Variants in CPLANE1 observed in about 807,000 individuals in gnomAD.
CPLANE1 encodes the protein ciliogenesis and planar polarity effector complex subunit 1, also known as ciliogenesis and planar polarity effector 1.
A neutral mutation model predicts 362.5 loss-of-function variants in CPLANE1; 263 were observed. The observed-to-expected ratio is 0.73, with a 90% CI of 0.66 to 0.80. CPLANE1 has a LOEUF of 0.80. CPLANE1 is among the 30% of genes least tolerant of loss of function. The pLI, the probability that CPLANE1 is intolerant of heterozygous loss-of-function variation, is 0.00. For synonymous variants in CPLANE1, 1,212 were observed against 1,302.6 expected (o/e 0.93, Z 1.50); for missense variants, 3,461 against 3,793.4 (o/e 0.91, Z 2.30).
At position 37,226,607 on chromosome 5, in the gene CPLANE1, A is replaced by T; in HGVS notation, c.1988T>A (p.Leu663Gln). ...YKQDVGHLIK[L>Q]TSNTVKLLLT... ...CAAAAGTTTTACAGTATTTGAGGTC[A>T]GCTTTATCAAATGCCCCACATCTTG... The change falls in exon 12 of 53, where the codon CTG becomes CAG. Residue 663 changes from leucine to glutamine, a missense_variant. Physicochemically the swap from Leu to Gln is moderately radical, Grantham distance 113. This residue lies in a region of CPLANE1 where 3,380 missense variants were observed against 3,666.1 expected (regional missense o/e 0.92). Coordinates refer to ENST00000651892, the MANE Select transcript of CPLANE1 (RefSeq NM_001384732.1). 1 of 1,551,488 alleles carries T rather than the reference A, an allele frequency of 6.4e-7. No individual in the cohort carries two copies. Among genetic ancestry groups the T allele is most frequent in the Non-Finnish European group, 8.7e-7 (1 of 1,146,884 alleles).
At chr5:37,189,961 TG>T (rs1785042621) in intron 21 of CPLANE1, among the ~76,000 whole-genome samples, 1 of 151,276 alleles carries the variant, frequency 6.6e-6, no homozygotes, top group South Asian at 2.1e-4. Context: ...ATCACGCCAC[TG>T]CACTCCAGCC....
chr5:37,174,024 T>C (rs1428254202), intron 31 of CPLANE1, 77 bp from the exon 32 acceptor site: 17 of 1,221,236 alleles, frequency 1.4e-5, no homozygotes, highest in Non-Finnish European at 1.8e-5. Flanking sequence ...GATCAGAATA[T>C]TTTGATCCCA....
intron 15 of CPLANE1, among the ~76,000 whole-genome samples, chr5:37,219,650 A>G (rs1195602767): frequency 6.6e-6 from 1 of 152,206 alleles, no homozygotes; most frequent in African/African-American, 2.4e-5. Context: ...AATGCTCACA[A>G]ATATTTAGGT....
At chr5:37,139,261 TCA>T (rs1768875311) in intron 45 of CPLANE1, 77 bp downstream of exon 45, 2 of 1,316,576 alleles carry the variant, frequency 1.5e-6, no homozygotes, top group South Asian at 1.4e-5. Flanking sequence ...ATGTAAAAAT[TCA>T]CACACATATG....
Position 37,157,903 on chromosome 5 carries a change from A to G in CPLANE1, c.7813-35T>C, listed in dbSNP as rs540855473. 8 of 835,540 alleles carry G rather than the reference A, an allele frequency of 9.6e-6. No individual in the cohort carries two copies. In the African/African-American group the frequency reaches 1.6e-4, roughly 17 times the overall value. The allele number at this position is 835,540 out of a possible 1,614,324, so 51.8% of individuals were successfully genotyped here. On this transcript the variant is annotated intron_variant, in intron 39 of 52. Coordinates refer to ENST00000651892, the MANE Select transcript of CPLANE1 (RefSeq NM_001384732.1). Reference sequence around the variant, plus strand: ...AACACATAAAACCAAAGAGGGTTACATTCTTTTTACTCTATGTGGTCACTC... The same window carrying G: ...AACACATAAAACCAAAGAGGGTTACGTTCTTTTTACTCTATGTGGTCACTC...
chr5:37,217,918 T>G (rs987261442), intron 15 of CPLANE1, among the ~76,000 whole-genome samples: 8 of 151,890 alleles, frequency 5.3e-5, no homozygotes, highest in Non-Finnish European at 8.8e-5. Flanking sequence ...AGGCAGAGGT[T>G]GCAATGAGCC....
intron 35 of CPLANE1, among the ~76,000 whole-genome samples, chr5:37,166,680 G>A (rs958097746): frequency 1.3e-5 from 2 of 152,116 alleles, no homozygotes; most frequent in African/African-American, 4.8e-5. Context: ...GCAGTTTCAG[G>A]TATCCACTGA....
At position 37,209,820 on chromosome 5, in the gene CPLANE1, G is replaced by C; in HGVS notation, c.2921-3395C>G. On this transcript the variant is annotated intron_variant, in intron 16 of 52. Coordinates refer to ENST00000651892, the MANE Select transcript of CPLANE1 (RefSeq NM_001384732.1). The surrounding 1 kb of genome is among the most constrained non-coding windows in gnomAD (Gnocchi z 4.6). ...AAAAGGATTGGCAGAATATCATCAA[G>C]CTAAAGAAAGTTGTAATATGGAAAC... 1 of 1,352,086 alleles carries C rather than the reference G, an allele frequency of 7.4e-7. No individual in the cohort carries two copies. The highest frequency in any genetic ancestry group is 1.1e-6 in the Non-Finnish European group (1 of 943,552). The allele number at this position is 1,352,086 out of a possible 1,614,324, so 83.8% of individuals were successfully genotyped here. A position where few individuals can be genotyped will look rare whatever the true frequency, so the allele number is the denominator to read the frequency against.
At chr5:37,207,602 T>C (rs1001809081) in intron 16 of CPLANE1, among the ~76,000 whole-genome samples, 21 of 152,346 alleles carry the variant, frequency 1.4e-4, no homozygotes, top group Middle Eastern at 3.4e-3. Flanking sequence ...GAAATGTATA[T>C]GCATCCTGAA....
At chr5:37,247,996 G>T (rs1391412528) in intron 1 of CPLANE1, among the ~76,000 whole-genome samples, 44 of 151,624 alleles carry the variant, frequency 2.9e-4, no homozygotes, top group Admixed American at 2.9e-3. Flanking sequence ...CACCATGTTG[G>T]CCAGGCTGGT....
intron 38 of CPLANE1, among the ~76,000 whole-genome samples, 181 bp downstream of exon 38, chr5:37,162,284 T>C (rs1345185516): frequency 6.6e-6 from 1 of 152,234 alleles, no homozygotes; most frequent in African/African-American, 2.4e-5. Flanking sequence ...TATTATGTTT[T>C]ACTTAAGTTA....
rs2150951558 is a variant in CPLANE1 at position 37,170,077 on chromosome 5, A to G, written c.6426T>C (p.Thr2142=). The change falls in exon 33 of 53, where the codon ACT becomes ACC. Residue 2142 remains threonine, a synonymous_variant. Coordinates refer to ENST00000651892, the MANE Select transcript of CPLANE1 (RefSeq NM_001384732.1). ...RKNSPHCHEG[T]IPSGQNSTGN... ...CAGTACTATTTTGACCAGATGGGAT[A>G]GTTCCTTCATGGCAGTGTGGGCTGT... The G allele has an allele frequency of 6.2e-7, 1 of 1,614,148 alleles. No homozygotes were observed. Among genetic ancestry groups the G allele is most frequent in the South Asian group, 1.1e-5 (1 of 91,074 alleles).
intron 21 of CPLANE1, 99 bp from the exon 22 acceptor site, chr5:37,187,941 T>C: frequency 2.9e-6 from 2 of 695,884 alleles, no homozygotes; most frequent in Middle Eastern, 2.5e-4. Context: ...AAAATAAAGG[T>C]CTTTATTTCA....
chr5:37,247,820 AAG>A (rs1740273934), intron 1 of CPLANE1, 75 bp from the exon 2 acceptor site: 1 of 1,078,658 alleles, frequency 9.3e-7, no homozygotes, highest in African/African-American at 1.6e-5. Flanking sequence ...TTTTTGAGAC[AAG>A]AGTTTCGTTC....
At chr5:37,132,547 C>G (rs1420005250) in intron 46 of CPLANE1, among the ~76,000 whole-genome samples, 1 of 152,022 alleles carries the variant, frequency 6.6e-6, no homozygotes, top group Non-Finnish European at 1.5e-5. Flanking sequence ...GGGGTTTCAC[C>G]ATGTTAGCCA....
In CPLANE1 at chr5:37,107,340, T is replaced by C. The variant is rs569592336; in HGVS notation, c.*262A>G. On this transcript the variant is annotated 3_prime_UTR_variant, in exon 53 of 53. Coordinates refer to ENST00000651892, the MANE Select transcript of CPLANE1 (RefSeq NM_001384732.1). The stretch of plus-strand genomic sequence containing the variant: ...GCAAACTTGGCTTGAAAGGTACTTA[T>C]CATTTTAAAAATTATGCCTAATGAT... The C allele has an allele frequency of 2.4e-5, 29 of 1,183,828 alleles. No homozygotes were observed. The highest frequency in any genetic ancestry group is 2.7e-5 in the Non-Finnish European group (26 of 958,088). The allele number at this position is 1,183,828 out of a possible 1,614,324, so 73.3% of individuals were successfully genotyped here.
intron 21 of CPLANE1, among the ~76,000 whole-genome samples, chr5:37,193,016 A>C (rs1322025672): frequency 6.6e-6 from 1 of 151,640 alleles, no homozygotes. Flanking sequence ...AAAGTACAAA[A>C]ATTAGCTGGG....
At chr5:37,133,715 T>A in intron 46 of CPLANE1, among the ~76,000 whole-genome samples, 1 of 152,210 alleles carries the variant, frequency 6.6e-6, no homozygotes, top group Non-Finnish European at 1.5e-5. Flanking sequence ...CATACTGTCA[T>A]AGAAAAGAGA....
intron 16 of CPLANE1, chr5:37,211,224 CCT>C (rs746609673): frequency 1.9e-5 from 28 of 1,477,040 alleles, no homozygotes; most frequent in South Asian, 1.1e-5. Context: ...GGGTAGTTCC[CCT>C]GATTCTGACC....
Sources: allele counts gnomAD v4.1 joint callset (sites outside exome capture counted in the v4.1 genomes callset), GRCh38; gene constraint gnomAD v4.1.1; regional missense constraint gnomAD v4.1.1; non-coding constraint Gnocchi (gnomAD v3.1); transcripts MANE v1.5; gene names NCBI Gene and HGNC (gene_info 2026-07-23, HGNC 2026-07-21).